The following SGPP2 variants were observed in gnomAD, a reference collection of about 807,000 sequenced individuals.
SGPP2 encodes the protein sphingosine-1-phosphate phosphatase 2, also known as sphingosine 1-phosphate phosphohydrolase 2.
In SGPP2, 30 loss-of-function variants were observed where a neutral mutation model predicts 33.9. That is an observed-to-expected ratio of 0.89 (90% confidence interval 0.66 to 1.20). The LOEUF (loss-of-function observed/expected upper bound fraction) is 1.20, where lower values mean the gene tolerates loss of function less well. Ranked by LOEUF, SGPP2 falls within the 50% of genes most tolerant of loss-of-function variation. The pLI is 0.00. For synonymous variants in SGPP2, 233 were observed against 225.0 expected (o/e 1.04, Z -0.32); for missense variants, 458 against 532.1 (o/e 0.86, Z 1.37).
intron 4 of SGPP2, among the ~76,000 whole-genome samples, chr2:222,551,452 A>C (rs1300194470): frequency 6.6e-6 from 1 of 152,232 alleles, no homozygotes; most frequent in Non-Finnish European, 1.5e-5. Context: ...ATAGCTTAAA[A>C]AAAAACTAAC....
chr2:222,554,414 G>A (rs1689352939), intron 4 of SGPP2, among the ~76,000 whole-genome samples: 2 of 152,214 alleles, frequency 1.3e-5, no homozygotes, highest in African/African-American at 4.8e-5. Flanking sequence ...TTTCCACTGT[G>A]ATGCTATTAC....
chr2:222,504,762 CCACAGTA>C (rs1296080067), intron 2 of SGPP2: 1 of 152,206 alleles, frequency 6.6e-6, no homozygotes, highest in East Asian at 1.9e-4. Flanking sequence ...TCACTGATGG[CCACAGTA>C]TCCACTTTGG....
chr2:222,452,967 C>A (rs1697514903), intron 1 of SGPP2: 1 of 1,584,002 alleles, frequency 6.3e-7, no homozygotes, highest in Non-Finnish European at 8.7e-7. Context: ...TCTCTGAAAT[C>A]TATCATTGAG....
intron 2 of SGPP2, 23 bp from the exon 3 acceptor site, chr2:222,521,744 A>G (rs1300991653): frequency 1.9e-6 from 3 of 1,588,490 alleles, no homozygotes; most frequent in Non-Finnish European, 1.7e-6. Context: ...GATTAGACTT[A>G]CCTCAGTCCT....
chr2:222,515,260 A>G (rs1394108401), intron 2 of SGPP2, among the ~76,000 whole-genome samples: 1 of 152,106 alleles, frequency 6.6e-6, no homozygotes, highest in East Asian at 1.9e-4. Context: ...TCCATTCTAC[A>G]ACATGGTGCC....
intron 2 of SGPP2, among the ~76,000 whole-genome samples, chr2:222,518,725 T>C (rs1274339111): frequency 6.6e-6 from 1 of 152,186 alleles, no homozygotes. Context: ...GTAAAGAAGT[T>C]AAGTTTCAAA....
chr2:222,490,635 A>G (rs1271504678), intron 2 of SGPP2, among the ~76,000 whole-genome samples: 1 of 149,184 alleles, frequency 6.7e-6, no homozygotes, highest in East Asian at 1.9e-4. Context: ...TGTAAAGGCA[A>G]GGTCTCACTA....
chr2:222,513,083 A>T (rs917266933), intron 2 of SGPP2, among the ~76,000 whole-genome samples: 1 of 152,222 alleles, frequency 6.6e-6, no homozygotes, highest in African/African-American at 2.4e-5. Context: ...ACCATTTTGC[A>T]TTCCTATAAG....
At chr2:222,490,339 AC>A (rs1698177707) in intron 2 of SGPP2, among the ~76,000 whole-genome samples, 1 of 152,094 alleles carries the variant, frequency 6.6e-6, no homozygotes, top group Non-Finnish European at 1.5e-5. Flanking sequence ...TCAAATCAAA[AC>A]CCAGGCAATG....
At chr2:222,480,562 G>C (rs933350918) in intron 2 of SGPP2, among the ~76,000 whole-genome samples, 6 of 152,220 alleles carry the variant, frequency 3.9e-5, no homozygotes, top group Admixed American at 3.3e-4. Context: ...CCAAAATGAA[G>C]TTATGCTATC....
At chr2:222,502,643 G>C (rs1264481251) in intron 2 of SGPP2, among the ~76,000 whole-genome samples, 1 of 150,854 alleles carries the variant, frequency 6.6e-6, no homozygotes, top group Admixed American at 6.6e-5. Context: ...ATAGGCTGCT[G>C]TTCACAATGT....
chr2:222,426,333 C>T (rs960841909), intron 1 of SGPP2, among the ~76,000 whole-genome samples: 1 of 152,000 alleles, frequency 6.6e-6, no homozygotes. Context: ...CAGGTAGACA[C>T]GTGAGTTGCT....
intron 1 of SGPP2, among the ~76,000 whole-genome samples, chr2:222,433,008 C>T (rs527430992): frequency 1.0e-4 from 14 of 136,866 alleles, no homozygotes; most frequent in South Asian, 2.3e-4. Flanking sequence ...GCAATAAGAG[C>T]GAAACTCTGA....
chr2:222,476,099 G>A lies in SGPP2; in HGVS notation c.378+1373G>A, dbSNP rs1160231317. Among the ~76,000 whole-genome samples the A allele has an allele frequency of 6.6e-6, 1 of 152,166 alleles. No individual in the cohort carries two copies. Among genetic ancestry groups the A allele is most frequent in the Admixed American group, 6.5e-5 (1 of 15,282 alleles). ...GAGGGAACTTCCAGACAAGACTGTT[G>A]CCCTGACTCAAGATTCTGCACTAGA... On this transcript the variant is annotated intron_variant, in intron 2 of 4. Coordinates refer to ENST00000321276, the MANE Select transcript of SGPP2 (RefSeq NM_152386.4). This position sits in a 1 kb window ranked among gnomAD's most constrained non-coding sequence, Gnocchi z 4.3.
intron 1 of SGPP2, among the ~76,000 whole-genome samples, chr2:222,468,980 G>A (rs1697797049): frequency 6.6e-6 from 1 of 151,962 alleles, no homozygotes; most frequent in Admixed American, 6.5e-5. Flanking sequence ...GAGATAATAA[G>A]GAGCCCTAGG....
At chr2:222,480,874 A>G (rs1184764476) in intron 2 of SGPP2, among the ~76,000 whole-genome samples, 1 of 152,244 alleles carries the variant, frequency 6.6e-6, no homozygotes, top group East Asian at 1.9e-4. Flanking sequence ...AATGCCCATC[A>G]ATAATAGACT....
intron 1 of SGPP2, among the ~76,000 whole-genome samples, chr2:222,440,515 G>T (rs544604324): frequency 9.9e-5 from 15 of 151,816 alleles, no homozygotes; most frequent in Non-Finnish European, 1.9e-4. Context: ...GCTAATTTTT[G>T]TATTTTTAGT....
At chr2:222,540,114 C>T (rs1698969642) in intron 4 of SGPP2, among the ~76,000 whole-genome samples, 1 of 152,140 alleles carries the variant, frequency 6.6e-6, no homozygotes. Flanking sequence ...TATACCTTAT[C>T]TGAAATGCTT....
At chr2:222,509,652 A>G (rs1698496398) in intron 2 of SGPP2, among the ~76,000 whole-genome samples, 1 of 152,234 alleles carries the variant, frequency 6.6e-6, no homozygotes, top group South Asian at 2.1e-4. Context: ...TGAAATCAAT[A>G]TGTGAAGGCA....
Sources: gnomAD v4.1 joint callset for allele counts (sites outside exome capture counted in the v4.1 genomes callset) on GRCh38, gnomAD v4.1.1 for gene constraint, Gnocchi (gnomAD v3.1) non-coding constraint, MANE v1.5 for transcripts, NCBI Gene and HGNC (gene_info 2026-07-23, HGNC 2026-07-21) for gene names.